Variants in COL5A1 observed in about 807,000 individuals in gnomAD.
COL5A1 encodes collagen alpha-1(V) chain.
In COL5A1, 16 loss-of-function variants were observed where a neutral mutation model predicts 263.7. The observed-to-expected ratio is 0.06, with a 90% CI of 0.04 to 0.09. The LOEUF (loss-of-function observed/expected upper bound fraction) is 0.09. Ranked by LOEUF, COL5A1 falls within the 10% of genes least tolerant of loss-of-function variation. The pLI is 1.00. For missense variants in COL5A1, 2,036 were observed against 2,540.5 expected, an observed-to-expected ratio of 0.80 and a Z score of 4.27; for synonymous variants, 1,012 against 1,004.5, an observed-to-expected ratio of 1.01 and a Z score of -0.14.
At chr9:134,685,974 C>T (rs1024057906) in intron 1 of COL5A1, among the ~76,000 whole-genome samples, 3 of 151,746 alleles carry the variant, frequency 2.0e-5, no homozygotes, top group Non-Finnish European at 4.4e-5. Flanking sequence ...TCCATCCATC[C>T]ATTAGCCATC....
intron 11 of COL5A1, among the ~76,000 whole-genome samples, chr9:134,749,651 C>T (rs548793535): frequency 1.3e-5 from 2 of 152,152 alleles, no homozygotes; most frequent in South Asian, 2.1e-4. Flanking sequence ...GTTGCTGATT[C>T]GGAAGACTGC....
At chr9:134,661,479 G>A (rs1048026708) in intron 1 of COL5A1, among the ~76,000 whole-genome samples, 3 of 151,848 alleles carry the variant, frequency 2.0e-5, no homozygotes, top group South Asian at 4.2e-4. Context: ...GCTTTCTGTC[G>A]GTGACTTTCA....
At chr9:134,776,906 G>A (rs1016502165) in intron 27 of COL5A1, among the ~76,000 whole-genome samples, 15 of 152,250 alleles carry the variant, frequency 9.9e-5, no homozygotes, top group Admixed American at 4.6e-4. Flanking sequence ...GAGGGGGGAC[G>A]AGCACCCTGG....
At chr9:134,773,866 A>C (rs1564450020) in intron 26 of COL5A1, among the ~76,000 whole-genome samples, 1 of 152,206 alleles carries the variant, frequency 6.6e-6, no homozygotes, top group Non-Finnish European at 1.5e-5. Flanking sequence ...TGAAGGTCGC[A>C]GCAGCCACTG....
At chr9:134,782,547 G>T in intron 28 of COL5A1, 120 bp from the exon 29 acceptor site, 1 of 945,402 alleles carries the variant, frequency 1.1e-6, no homozygotes, top group Non-Finnish European at 1.7e-6. Flanking sequence ...TCCGGGCCAT[G>T]TGCTGCCCCC....
At chr9:134,809,480 C>T (rs138038598) in intron 43 of COL5A1, among the ~76,000 whole-genome samples, 190 bp downstream of exon 43, 32 of 152,212 alleles carry the variant, frequency 2.1e-4, no homozygotes, top group African/African-American at 6.5e-4. Context: ...TGGTAATACA[C>T]GCCGTCCCCG....
At chr9:134,791,606 A>G (rs1837693200) in intron 32 of COL5A1, among the ~76,000 whole-genome samples, 1 of 151,630 alleles carries the variant, frequency 6.6e-6, no homozygotes, top group Non-Finnish European at 1.5e-5. Flanking sequence ...TGTCCTTGCA[A>G]AGGGACCCTT....
rs558930313 is a variant in COL5A1, at chr9:134,765,534, G to C, written c.2035-147G>C. The C allele has an allele frequency of 1.6e-4, 113 of 713,186 alleles. 1 individual carries two copies. The highest frequency in any genetic ancestry group is 1.1e-3 in the African/African-American group (62 of 57,000). 44.2% of individuals were successfully genotyped at this position (713,186 alleles called of 1,614,324 possible). On this transcript the variant is annotated intron_variant, in intron 20 of 65. Coordinates refer to ENST00000371817, the MANE Select transcript of COL5A1 (RefSeq NM_000093.5). This position sits in a 1 kb window ranked among gnomAD's most constrained non-coding sequence, Gnocchi z 5.1. Reference sequence around the variant, plus strand: ...AGGCAGCGCAGCAGGCTGGGAGGGAGTCTGGGCCTCACTCCTGGGAGGCCA... The same window carrying C: ...AGGCAGCGCAGCAGGCTGGGAGGGACTCTGGGCCTCACTCCTGGGAGGCCA...
At chr9:134,737,582 C>G (rs1164347318) in intron 9 of COL5A1, among the ~76,000 whole-genome samples, 3 of 152,230 alleles carry the variant, frequency 2.0e-5, no homozygotes, top group African/African-American at 7.2e-5. Flanking sequence ...CGTCATGGAA[C>G]ACGGAGGACT....
At position 134,840,461 on chromosome 9, in the gene COL5A1, CAGAA is replaced by C. The variant is rs1017536728; in HGVS notation, c.5371-1693_5371-1690del. On this transcript the variant is annotated intron_variant, in intron 65 of 65. Transcript: ENST00000371817. Reference sequence around the variant, plus strand: ...TTTTCCAGCTGAGGAAACTGAGTCACAGAAAGCGTATCGGTTATCCATTGCTTGT... The same window carrying C: ...TTTTCCAGCTGAGGAAACTGAGTCACAGCGTATCGGTTATCCATTGCTTGT... Among the ~76,000 whole-genome samples the C allele has an allele frequency of 5.3e-5, 8 of 152,306 alleles. No homozygotes were observed. The East Asian group carries it at 5.8e-4, about 11-fold the overall frequency.
intron 2 of COL5A1, among the ~76,000 whole-genome samples, chr9:134,698,887 G>A (rs1414050717): frequency 6.6e-6 from 1 of 152,244 alleles, no homozygotes; most frequent in Non-Finnish European, 1.5e-5. Flanking sequence ...CCGTAGTGGT[G>A]CTGCTTGTGG....
chr9:134,804,921 T>G, intron 39 of COL5A1, 54 bp from the exon 40 acceptor site: 4 of 1,487,644 alleles, frequency 2.7e-6, no homozygotes, highest in Non-Finnish European at 3.8e-6. Context: ...CTGGGGCTGG[T>G]GAGAGGTCTG....
At chr9:134,730,796 G>A (rs1326879377) in intron 7 of COL5A1, among the ~76,000 whole-genome samples, 2 of 152,226 alleles carry the variant, frequency 1.3e-5, no homozygotes, top group Admixed American at 6.5e-5. Flanking sequence ...GGATGAGGAG[G>A]GGGGTGGCTT....
At chr9:134,802,775 C>G in intron 38 of COL5A1, 113 bp from the exon 39 acceptor site, 1 of 817,224 alleles carries the variant, frequency 1.2e-6, no homozygotes, top group Non-Finnish European at 2.1e-6. Flanking sequence ...TTTGGTGTGC[C>G]CGCAGCAGAC....
chr9:134,785,303 C>T (rs1373981029), intron 30 of COL5A1, among the ~76,000 whole-genome samples: 2 of 152,162 alleles, frequency 1.3e-5, no homozygotes, highest in Non-Finnish European at 2.9e-5. Context: ...CCGGGTTCGC[C>T]CTTTCCCAGC....
chr9:134,785,892 C>A, intron 30 of COL5A1, 103 bp from the exon 31 acceptor site: 1 of 1,093,510 alleles, frequency 9.1e-7, no homozygotes, highest in Non-Finnish European at 1.4e-6. Context: ...AAACCACACC[C>A]TCCTCCAGGC....
chr9:134,835,915 A>G (rs1839837955), intron 65 of COL5A1, among the ~76,000 whole-genome samples: 1 of 152,148 alleles, frequency 6.6e-6, no homozygotes, highest in Non-Finnish European at 1.5e-5. Context: ...GGAGGTGTTT[A>G]GGGTGCAGCT....
chr9:134,708,931 G>A lies in COL5A1; in HGVS notation c.654+7598G>A, dbSNP rs768504046. The stretch of plus-strand genomic sequence containing the variant: ...ACACTCCTTGGCTTGTGGCCACGTC[G>A]CCCCAGCTTCTGCCTCCGTCTTTAC... On this transcript the variant is annotated intron_variant, in intron 4 of 65. Coordinates refer to ENST00000371817, the MANE Select transcript of COL5A1 (RefSeq NM_000093.5). 4.8e-5 allele frequency: 22 copies of A among 456,568 alleles called. 1 individual carries two copies. Among genetic ancestry groups the A allele is most frequent in the South Asian group, 2.3e-4 (15 of 64,550 alleles). The allele number at this position is 456,568 out of a possible 1,614,324, so 28.3% of individuals were successfully genotyped here. A position where few individuals can be genotyped will look rare whatever the true frequency, so the allele number is the denominator to read the frequency against.
In COL5A1 at chr9:134,757,170, G is replaced by A. The variant is rs866126145; in HGVS notation, c.1881+352G>A. ...GGGGGCCAGGGGGTCTTGTCCAGTC[G>A]GGACTCCTGGGTGTTGTGGAGGTGA... is the stretch of plus-strand genomic sequence containing the variant. On this transcript the variant is annotated intron_variant, in intron 17 of 65. Coordinates refer to ENST00000371817, the MANE Select transcript of COL5A1 (RefSeq NM_000093.5). This position sits in a 1 kb window ranked among gnomAD's most constrained non-coding sequence, Gnocchi z 6.2. Among the ~76,000 whole-genome samples, 28 of 152,206 alleles carry A rather than the reference G, an allele frequency of 1.8e-4. No individual in the cohort carries two copies. Among genetic ancestry groups the A allele is most frequent in the Middle Eastern group, 3.4e-3 (1 of 294 alleles).
Sources: gnomAD v4.1 joint callset for allele counts (sites outside exome capture counted in the v4.1 genomes callset) on GRCh38, gnomAD v4.1.1 for gene constraint, Gnocchi (gnomAD v3.1) non-coding constraint, MANE v1.5 for transcripts, NCBI Gene and HGNC (gene_info 2026-07-23, HGNC 2026-07-21) for gene names.